NOL4: variants seen among roughly 807,000 people sequenced by gnomAD.
The protein encoded by NOL4 is cancer/testis antigen 125.
A neutral mutation model predicts 75.9 loss-of-function variants in NOL4; 17 were observed. That is an observed-to-expected ratio of 0.22 (90% CI 0.15 to 0.34). The LOEUF (loss-of-function observed/expected upper bound fraction) is 0.34, where lower values mean the gene tolerates loss of function less well. NOL4 is among the 10% of genes least tolerant of loss of function. The pLI is 1.00. For missense variants in NOL4, 614 were observed against 793.5 expected (o/e 0.77, Z 2.72); for synonymous variants, 292 against 289.9 (o/e 1.01, Z -0.07).
intron 9 of NOL4, among the ~76,000 whole-genome samples, chr18:33,924,208 G>A (rs766553392): frequency 6.6e-6 from 1 of 152,284 alleles, no homozygotes. Flanking sequence ...CTGCAGCTGC[G>A]TCTTGGTATA....
At chr18:34,001,164 G>C (rs2073672088) in intron 6 of NOL4, among the ~76,000 whole-genome samples, 1 of 152,088 alleles carries the variant, frequency 6.6e-6, no homozygotes, top group African/African-American at 2.4e-5. Context: ...ATGATAGATG[G>C]TTCAGAAAGC....
intron 6 of NOL4, among the ~76,000 whole-genome samples, chr18:33,983,948 A>G (rs984957471): frequency 3.9e-5 from 6 of 152,148 alleles, no homozygotes; most frequent in African/African-American, 1.2e-4. Flanking sequence ...CCTAATTTAC[A>G]AAGTAATGTA....
chr18:33,962,684 T>C (rs1278611565), intron 6 of NOL4, among the ~76,000 whole-genome samples: 1 of 152,170 alleles, frequency 6.6e-6, no homozygotes, highest in East Asian at 1.9e-4. Flanking sequence ...TAATAAAATA[T>C]ATTAAGGAAA....
chr18:34,138,470 A>G (rs1240877195), intron 1 of NOL4, among the ~76,000 whole-genome samples: 1 of 152,160 alleles, frequency 6.6e-6, no homozygotes, highest in Non-Finnish European at 1.5e-5. Flanking sequence ...AGAAAAAAAT[A>G]AGGACTGGCT....
chr18:33,990,317 G>T (rs190819358), intron 6 of NOL4, among the ~76,000 whole-genome samples: 12 of 152,020 alleles, frequency 7.9e-5, no homozygotes, highest in African/African-American at 2.7e-4. Flanking sequence ...ATCCTATTAT[G>T]CTGTATATCT....
chr18:34,192,721 C>A (rs1482918856), intron 1 of NOL4, among the ~76,000 whole-genome samples: 6 of 152,190 alleles, frequency 3.9e-5, no homozygotes, highest in Non-Finnish European at 8.8e-5. Context: ...TCTTCCAAAG[C>A]TCACATGTTA....
intron 9 of NOL4, among the ~76,000 whole-genome samples, chr18:33,910,327 T>C (rs889489262): frequency 6.6e-6 from 1 of 152,130 alleles, no homozygotes; most frequent in African/African-American, 2.4e-5. Flanking sequence ...GGGTTTCAAA[T>C]CAGTGAAACA....
chr18:33,875,960 G>A (rs1273472446), intron 10 of NOL4, among the ~76,000 whole-genome samples: 2 of 151,956 alleles, frequency 1.3e-5, no homozygotes, highest in African/African-American at 4.8e-5. Flanking sequence ...TCCAAAGAGT[G>A]GAAGGATGAT....
chr18:34,194,073 G>T (rs2035119596), intron 1 of NOL4, among the ~76,000 whole-genome samples: 1 of 152,090 alleles, frequency 6.6e-6, no homozygotes, highest in South Asian at 2.1e-4. Flanking sequence ...GGGCTAGGGT[G>T]GGGGATAGGG....
chr18:34,166,255 A>AATTT (rs143929238), intron 1 of NOL4, among the ~76,000 whole-genome samples: 277 of 152,278 alleles, frequency 1.8e-3, no homozygotes, highest in African/African-American at 6.6e-3. Context: ...GATACCAAGG[A>AATTT]ATTTATAAGT....
intron 6 of NOL4, among the ~76,000 whole-genome samples, chr18:34,009,251 T>C (rs965258371): frequency 6.6e-6 from 1 of 151,910 alleles, no homozygotes; most frequent in African/African-American, 2.4e-5. Flanking sequence ...AAAATGCCTC[T>C]GGGAATGTGT....
At chr18:34,119,689 T>G (rs897497287) in intron 2 of NOL4, among the ~76,000 whole-genome samples, 1 of 152,164 alleles carries the variant, frequency 6.6e-6, no homozygotes, top group African/African-American at 2.4e-5. Context: ...TGGCGCGATC[T>G]CGGCTCACTG....
At chr18:33,964,984 C>A (rs768016046) in intron 6 of NOL4, among the ~76,000 whole-genome samples, 2 of 151,518 alleles carry the variant, frequency 1.3e-5, no homozygotes, top group African/African-American at 2.4e-5. Flanking sequence ...TCAAAGAAAC[C>A]CAAAGCAAGA....
At chr18:34,026,505 C>T (rs780695655) in intron 5 of NOL4, among the ~76,000 whole-genome samples, 22 of 152,050 alleles carry the variant, frequency 1.4e-4, no homozygotes, top group Non-Finnish European at 2.9e-4. Context: ...CTTCACTAAC[C>T]CCTGCTTGGC....
intron 9 of NOL4, among the ~76,000 whole-genome samples, chr18:33,884,153 G>A (rs910899675): frequency 6.6e-6 from 1 of 152,066 alleles, no homozygotes. Context: ...TAAATGAAGA[G>A]ATATTACAAT....
intron 1 of NOL4, among the ~76,000 whole-genome samples, chr18:34,211,066 T>G (rs2036479498): frequency 6.7e-6 from 1 of 148,634 alleles, no homozygotes; most frequent in Admixed American, 6.8e-5. Context: ...AGTGACAGAG[T>G]AAGACTCTCA....
chr18:33,886,299 G>A (rs1366110357), intron 9 of NOL4, among the ~76,000 whole-genome samples: 3 of 151,854 alleles, frequency 2.0e-5, no homozygotes, highest in Admixed American at 6.6e-5. Flanking sequence ...AGGCTGAGCC[G>A]GGTGGATCAC....
At chr18:34,155,305 C>A (rs371295616) in intron 1 of NOL4, among the ~76,000 whole-genome samples, 38 of 151,530 alleles carry the variant, frequency 2.5e-4, no homozygotes, top group East Asian at 2.3e-3. Flanking sequence ...ATCAGAGAAA[C>A]CTTGATAACT....
chr18:34,212,867 C>T (rs1278921116), intron 1 of NOL4, among the ~76,000 whole-genome samples: 1 of 152,186 alleles, frequency 6.6e-6, no homozygotes, highest in Non-Finnish European at 1.5e-5. Context: ...AGGTTTCAAA[C>T]CACCCTGACT....
Sources: gnomAD v4.1 joint callset for allele counts (sites outside exome capture counted in the v4.1 genomes callset) on GRCh38, gnomAD v4.1.1 for gene constraint, MANE v1.5 for transcripts, NCBI Gene and HGNC (gene_info 2026-07-23, HGNC 2026-07-21) for gene names.